The following USP49 variants were observed in gnomAD, a reference collection of about 807,000 sequenced individuals.
The protein encoded by USP49 is ubiquitin specific peptidase 49.
Under a neutral mutation model 58.6 loss-of-function variants are expected in USP49, and 24 were observed. That is an observed-to-expected ratio of 0.41 (90% CI 0.30 to 0.58). The LOEUF (loss-of-function observed/expected upper bound fraction) is 0.58. USP49 is among the 20% of genes least tolerant of loss of function. The pLI is 0.30. For missense variants in USP49, 703 were observed against 866.1 expected (o/e 0.81, Z 2.36); for synonymous variants, 408 against 365.1 (o/e 1.12, Z -1.34).
chr6:41,871,999 T>C (rs1027925629), intron 2 of USP49, among the ~76,000 whole-genome samples: 3 of 152,234 alleles, frequency 2.0e-5, no homozygotes, highest in Non-Finnish European at 4.4e-5. Context: ...AATACTCGAA[T>C]ATCAAAAGCT....
chr6:41,803,736 A>G lies in USP49; in HGVS notation c.1561+70T>C. 3 of 1,533,150 alleles carry G rather than the reference A, an allele frequency of 2.0e-6. No individual in the cohort carries two copies. Among genetic ancestry groups the G allele is most frequent in the Non-Finnish European group, 1.8e-6 (2 of 1,111,342 alleles). 95.0% of individuals were successfully genotyped at this position (1,533,150 alleles called of 1,614,324 possible). On this transcript the variant is annotated intron_variant, in intron 5 of 7. Transcript: ENST00000682992. The surrounding 1 kb of genome is among the most constrained non-coding windows in gnomAD (Gnocchi z 4.1). ...AGTGTTACTTTTGACTAAAGAGGAC[A>G]AAGCAGCACCTTAAACTGATATTCC...
chr6:41,840,949 G>A (rs1198344817), intron 3 of USP49, among the ~76,000 whole-genome samples: 1 of 151,572 alleles, frequency 6.6e-6, no homozygotes, highest in Admixed American at 6.6e-5. Flanking sequence ...AGGTTGGAGT[G>A]AGCTATGATT....
At chr6:41,831,677 A>C (rs1773638290) in intron 3 of USP49, among the ~76,000 whole-genome samples, 1 of 152,120 alleles carries the variant, frequency 6.6e-6, no homozygotes, top group Non-Finnish European at 1.5e-5. Context: ...TCCATACTGC[A>C]CATTAAACAT....
chr6:41,799,092 T>TTATTTATA (rs899623737), intron 6 of USP49, among the ~76,000 whole-genome samples, 163 bp from the exon 7 acceptor site: 1 of 151,126 alleles, frequency 6.6e-6, no homozygotes, highest in Non-Finnish European at 1.5e-5. Context: ...ATTTATTTAT[T>TTATTTATA]TATTTATTTA....
chr6:41,806,015 C>T lies in USP49; in HGVS notation c.969G>A (p.Glu323=). Residue 323 remains glutamate (E), a synonymous_variant, in exon 4 of 8, where the codon GAG becomes GAA. Transcript: ENST00000682992. The surrounding 1 kb of genome is among the most constrained non-coding windows in gnomAD (Gnocchi z 5.9). ...TELSLRNDRA[E]ACEREGFCWN... is the part of the protein sequence containing the mutation. ...AGCAGAAGCCCTCCCGCTCGCATGC[C>T]TCGGCCCTGTCATTTCTCAAGGACA... 1 of 1,613,994 alleles carries T rather than the reference C, an allele frequency of 6.2e-7. No homozygotes were observed. Among genetic ancestry groups the T allele is most frequent in the Non-Finnish European group, 8.5e-7 (1 of 1,180,036 alleles).
chr6:41,804,826 G>A (rs1030478247), intron 4 of USP49, among the ~76,000 whole-genome samples: 3 of 152,042 alleles, frequency 2.0e-5, no homozygotes, highest in Non-Finnish European at 2.9e-5. Context: ...TCGGCTCACC[G>A]CAACCTCCGC....
intron 3 of USP49, among the ~76,000 whole-genome samples, chr6:41,807,618 T>C (rs1268538581): frequency 6.6e-6 from 1 of 151,660 alleles, no homozygotes; most frequent in Non-Finnish European, 1.5e-5. Context: ...ATTTTTGTAT[T>C]TTTAGTAGAG....
intron 5 of USP49, among the ~76,000 whole-genome samples, chr6:41,802,450 T>C: frequency 1.2e-5 from 1 of 85,046 alleles, no homozygotes; most frequent in Admixed American, 1.5e-4. Context: ...ATTTATTTAT[T>C]TATTTATTTA....
At chr6:41,886,401 C>G (rs1032826245) in intron 2 of USP49, 2 of 152,220 alleles carry the variant, frequency 1.3e-5, no homozygotes, top group Admixed American at 1.3e-4. Flanking sequence ...GATCATTAAG[C>G]TATTAGCAAT....
intron 2 of USP49, among the ~76,000 whole-genome samples, chr6:41,878,499 G>C (rs1774542597): frequency 6.6e-6 from 1 of 152,070 alleles, no homozygotes; most frequent in South Asian, 2.1e-4. Context: ...TTAGTTTGTA[G>C]AGCGGCAGCA....
rs1398091200 is a variant in USP49, at chr6:41,791,620, G to A, written c.*4913C>T. 6.6e-6 allele frequency: 1 copy of A among 152,204 alleles called. No homozygotes were observed. The highest frequency in any genetic ancestry group is 1.5e-5 in the Non-Finnish European group (1 of 68,038). 9.4% of individuals were successfully genotyped at this position (152,204 alleles called of 1,614,324 possible). On this transcript the variant is annotated 3_prime_UTR_variant, in exon 8 of 8. Transcript: ENST00000682992. Reference sequence around the variant, plus strand: ...TTTTCAGCCCTGGCTAGTTAACACAGTACTATGAAAATCTTTAGCTAGATT... The same window carrying A: ...TTTTCAGCCCTGGCTAGTTAACACAATACTATGAAAATCTTTAGCTAGATT...
intron 3 of USP49, among the ~76,000 whole-genome samples, chr6:41,809,681 C>G (rs1306744611): frequency 6.6e-6 from 1 of 150,936 alleles, no homozygotes; most frequent in Non-Finnish European, 1.5e-5. Flanking sequence ...AAAAAATTAG[C>G]CAGGCGTGGT....
At position 41,790,126 on chromosome 6, in the gene USP49, T is replaced by C. The variant is rs1290903882; in HGVS notation, c.*6407A>G. ...GCATGAAGTTTATTCTTGAAGAATT[T>C]ACATTGTTGAGCAATATTAGGGGAA... is the stretch of plus-strand genomic sequence containing the variant. On this transcript the variant is annotated 3_prime_UTR_variant, in exon 8 of 8. Transcript: ENST00000682992. The C allele has an allele frequency of 6.6e-6, 1 of 152,186 alleles. No homozygotes were observed. Among genetic ancestry groups the C allele is most frequent in the African/African-American group, 2.4e-5 (1 of 41,444 alleles). 9.4% of individuals were successfully genotyped at this position (152,186 alleles called of 1,614,324 possible).
intron 3 of USP49, among the ~76,000 whole-genome samples, chr6:41,836,711 A>C (rs1773733539): frequency 6.6e-6 from 1 of 152,214 alleles, no homozygotes. Context: ...ATCTGGCCAA[A>C]AGATCCTAGA....
At chr6:41,870,381 T>C (rs2251084) in intron 3 of USP49, among the ~76,000 whole-genome samples, 67,563 of 152,012 alleles carry the variant, frequency 0.44, 15,279 homozygotes, top group Middle Eastern at 0.51. Flanking sequence ...CACAAATACA[T>C]GCCATATACT....
intron 2 of USP49, among the ~76,000 whole-genome samples, chr6:41,885,946 C>A (rs1414561415): frequency 6.6e-6 from 1 of 152,252 alleles, no homozygotes; most frequent in Non-Finnish European, 1.5e-5. Flanking sequence ...TTAAAGCACA[C>A]TTACCTTTCA....
intron 3 of USP49, among the ~76,000 whole-genome samples, chr6:41,813,017 G>T (rs1773286063): frequency 6.6e-6 from 1 of 152,100 alleles, no homozygotes; most frequent in Non-Finnish European, 1.5e-5. Context: ...GTGCTGTCCA[G>T]TACTATAGTA....
chr6:41,805,101 CCTGT>C (rs1773086864), intron 4 of USP49, among the ~76,000 whole-genome samples: 1 of 152,136 alleles, frequency 6.6e-6, no homozygotes, highest in Admixed American at 6.5e-5. Flanking sequence ...CTCGCAAGGC[CCTGT>C]CTAAGCATTT....
intron 5 of USP49, among the ~76,000 whole-genome samples, chr6:41,802,427 A>ATTTTATTTTATTTTATTTTATTTT (rs1581990082): frequency 2.5e-5 from 2 of 81,196 alleles, no homozygotes; most frequent in East Asian, 3.4e-4. Context: ...ATTTTATTTT[A>ATTTTATTTTATTTTATTTTATTTT]TTTTATTTAT....
Sources: gnomAD v4.1 joint callset for allele counts (sites outside exome capture counted in the v4.1 genomes callset) on GRCh38, gnomAD v4.1.1 for gene constraint, Gnocchi (gnomAD v3.1) non-coding constraint, MANE v1.5 for transcripts, NCBI Gene and HGNC (gene_info 2026-07-23, HGNC 2026-07-21) for gene names.